CACNG3: variants seen among roughly 807,000 people sequenced by gnomAD.
CACNG3 encodes calcium voltage-gated channel auxiliary subunit gamma 3, also known as voltage-dependent calcium channel gamma-3 subunit.
In CACNG3, 3 loss-of-function variants were observed where a neutral mutation model predicts 28.5. The ratio of observed to expected loss-of-function variants is 0.11; its 90% CI spans 0.05 to 0.27. The LOEUF is 0.27. Ranked by LOEUF, CACNG3 falls within the 10% of genes least tolerant of loss-of-function variation. The pLI, the probability that CACNG3 is intolerant of heterozygous loss-of-function variation, is 1.00. For missense variants in CACNG3, 236 were observed against 414.4 expected (o/e 0.57, Z 3.74); for synonymous variants, 174 against 162.2 (o/e 1.07, Z -0.55).
At chr16:24,273,580 C>T (rs1040692969) in intron 1 of CACNG3, among the ~76,000 whole-genome samples, 2 of 152,106 alleles carry the variant, frequency 1.3e-5, no homozygotes, top group Non-Finnish European at 2.9e-5. Context: ...GGCTACGGAT[C>T]GATTCTGAAG....
chr16:24,345,415 C>T (rs1899848475), intron 1 of CACNG3, among the ~76,000 whole-genome samples: 2 of 152,150 alleles, frequency 1.3e-5, no homozygotes, highest in Admixed American at 6.6e-5. Flanking sequence ...AACATCCACA[C>T]CTCAGCCGGG....
chr16:24,299,029 G>T (rs548541053), intron 1 of CACNG3, among the ~76,000 whole-genome samples: 7 of 152,154 alleles, frequency 4.6e-5, no homozygotes, highest in African/African-American at 1.7e-4. Flanking sequence ...GCCAGGTCTC[G>T]CCCCTGTAGA....
At chr16:24,311,481 C>T (rs577466405) in intron 1 of CACNG3, among the ~76,000 whole-genome samples, 1 of 150,538 alleles carries the variant, frequency 6.6e-6, no homozygotes, top group South Asian at 2.1e-4. Context: ...TGCACTACAG[C>T]CTGGGTGACA....
At chr16:24,263,358 G>A (rs1362824085) in intron 1 of CACNG3, among the ~76,000 whole-genome samples, 1 of 152,118 alleles carries the variant, frequency 6.6e-6, no homozygotes, top group Admixed American at 6.6e-5. Flanking sequence ...AACTTGACAT[G>A]AGCTATGTAT....
intron 1 of CACNG3, among the ~76,000 whole-genome samples, chr16:24,302,278 G>A (rs1899123146): frequency 6.6e-6 from 1 of 152,056 alleles, no homozygotes. Flanking sequence ...CTTCCCCTGG[G>A]TCTGTAAAAA....
At chr16:24,304,429 A>G (rs1474727630) in intron 1 of CACNG3, among the ~76,000 whole-genome samples, 3 of 152,200 alleles carry the variant, frequency 2.0e-5, no homozygotes, top group African/African-American at 4.8e-5. Flanking sequence ...ATGAAATTTC[A>G]TAAACTGTAT....
At chr16:24,257,363 A>AGC (rs1898472829) in intron 1 of CACNG3, among the ~76,000 whole-genome samples, 1 of 67,430 alleles carries the variant, frequency 1.5e-5, no homozygotes, top group Non-Finnish European at 3.0e-5. Context: ...GAAAGAAGTG[A>AGC]GGGGGGAGAG....
chr16:24,317,124 C>T (rs982262741), intron 1 of CACNG3, among the ~76,000 whole-genome samples: 10 of 152,174 alleles, frequency 6.6e-5, no homozygotes, highest in African/African-American at 2.4e-4. Context: ...CCACACATCC[C>T]ATGTCTCAGG....
At chr16:24,290,917 G>A (rs1377844044) in intron 1 of CACNG3, among the ~76,000 whole-genome samples, 2 of 152,140 alleles carry the variant, frequency 1.3e-5, no homozygotes, top group African/African-American at 2.4e-5. Context: ...AGAGGATGAT[G>A]TGTCACATAA....
chr16:24,327,126 CAAAAAAAAAAAAAAA>C (rs57918697), intron 1 of CACNG3, among the ~76,000 whole-genome samples: 7 of 35,830 alleles, frequency 2.0e-4, no homozygotes, highest in African/African-American at 6.6e-4. Context: ...GGCTCCAAAC[CAAAAAAAAAAAAAAA>C]AAAAAAAAAA....
rs935451326 is a variant in CACNG3, at chr16:24,315,263, A to C, written c.212-31471A>C. ...TTCACCAAAGTTTACCCATCTCTGCATCTCACCCAGACATTCGGCAGGGGG... is the reference window on the plus strand; with the variant it reads ...TTCACCAAAGTTTACCCATCTCTGCCTCTCACCCAGACATTCGGCAGGGGG... On this transcript the variant is annotated intron_variant, in intron 1 of 3. Transcript: ENST00000005284. Among the ~76,000 whole-genome samples the C allele has an allele frequency of 4.6e-5, 7 of 152,214 alleles. No individual in the cohort carries two copies. The South Asian group carries it at 8.3e-4, about 18-fold the overall frequency.
intron 1 of CACNG3, among the ~76,000 whole-genome samples, chr16:24,284,415 T>C (rs1898867766): frequency 6.6e-6 from 1 of 152,224 alleles, no homozygotes; most frequent in African/African-American, 2.4e-5. Flanking sequence ...TAGAGTCATT[T>C]TTACTCATAG....
chr16:24,312,937 AAGAAAGAAAGAAAGAAAG>A (rs1486980809), intron 1 of CACNG3, among the ~76,000 whole-genome samples: 4 of 96,302 alleles, frequency 4.2e-5, no homozygotes, highest in South Asian at 4.0e-4. Flanking sequence ...GAAAGAAAGA[AAGAAAGAAAGAAAGAAAG>A]AGAAAGAAAG....
At chr16:24,325,726 G>A (rs140992481) in intron 1 of CACNG3, among the ~76,000 whole-genome samples, 1 of 152,338 alleles carries the variant, frequency 6.6e-6, no homozygotes, top group African/African-American at 2.4e-5. Context: ...ATCACAAATG[G>A]TAATAATGTG....
chr16:24,316,066 C>T (rs1302962722), intron 1 of CACNG3, among the ~76,000 whole-genome samples: 2 of 151,898 alleles, frequency 1.3e-5, no homozygotes, highest in East Asian at 1.9e-4. Flanking sequence ...TTAGTGAGCC[C>T]GTATTATTAT....
chr16:24,352,865 C>T (rs1899975109), intron 2 of CACNG3, among the ~76,000 whole-genome samples: 1 of 152,148 alleles, frequency 6.6e-6, no homozygotes, highest in African/African-American at 2.4e-5. Flanking sequence ...TGGTTCTACC[C>T]GTTACACGGG....
Position 24,361,234 on chromosome 16 carries a change from TA to T in CACNG3, c.437-116del. 1.2e-6 allele frequency: 1 copy of T among 808,218 alleles called. No individual in the cohort carries two copies. Among genetic ancestry groups the T allele is most frequent in the Non-Finnish European group, 2.0e-6 (1 of 500,518 alleles). 50.1% of individuals were successfully genotyped at this position (808,218 alleles called of 1,614,324 possible). ...ACTAGGTGGTTGGATTTCCCAGCTATAATCCATTCTCCTCTCTCCCCATTAC... is the reference window on the plus strand; with the variant it reads ...ACTAGGTGGTTGGATTTCCCAGCTATATCCATTCTCCTCTCTCCCCATTAC... On this transcript the variant is annotated intron_variant, in intron 3 of 3. Coordinates refer to ENST00000005284, the MANE Select transcript of CACNG3 (RefSeq NM_006539.4). This position sits in a 1 kb window ranked among gnomAD's most constrained non-coding sequence, Gnocchi z 6.8.
chr16:24,342,299 G>T (rs1043477162), intron 1 of CACNG3, among the ~76,000 whole-genome samples: 1 of 152,110 alleles, frequency 6.6e-6, no homozygotes, highest in Non-Finnish European at 1.5e-5. Flanking sequence ...AAAATAAAAT[G>T]CAGAAGCTTA....
intron 1 of CACNG3, among the ~76,000 whole-genome samples, chr16:24,296,240 A>G (rs1899030844): frequency 6.6e-6 from 1 of 152,126 alleles, no homozygotes; most frequent in East Asian, 1.9e-4. Flanking sequence ...AGGGATTTAC[A>G]TGGCCTGCCC....
Sources: allele counts gnomAD v4.1 joint callset (sites outside exome capture counted in the v4.1 genomes callset), GRCh38; gene constraint gnomAD v4.1.1; non-coding constraint Gnocchi (gnomAD v3.1); transcripts MANE v1.5; gene names NCBI Gene and HGNC (gene_info 2026-07-23, HGNC 2026-07-21).